ZNF280D: variants seen among roughly 807,000 people sequenced by gnomAD.
ZNF280D encodes the protein zinc finger protein 280D, also known as suppressor of hairy wing homolog 4.
In ZNF280D, 39 loss-of-function variants were observed where a neutral mutation model predicts 94.7. The observed-to-expected ratio is 0.41, with a 90% confidence interval of 0.32 to 0.54. The LOEUF is 0.54. Ranked by LOEUF, ZNF280D falls within the 20% of genes least tolerant of loss-of-function variation. ZNF280D has a pLI of 0.22. For missense variants in ZNF280D, 1,090 were observed against 1,149.3 expected (o/e 0.95, Z 0.75); for synonymous variants, 398 against 377.6 (o/e 1.05, Z -0.63).
rs533185528 is a variant in ZNF280D at position 56,681,967 on chromosome 15, C to A, written c.1004+287G>T. Among the ~76,000 whole-genome samples, 87 of 151,936 alleles carry A rather than the reference C, an allele frequency of 5.7e-4. 1 individual carries two copies. Among genetic ancestry groups the A allele is most frequent in the Admixed American group, 1.3e-3 (20 of 15,266 alleles). On this transcript the variant is annotated intron_variant, in intron 10 of 21. Transcript: ENST00000267807. ...AAATAAAAAATGTCTAATAAAAATT[C>A]AAAAATCACGACTAAAACAGAAAAA...
chr15:56,694,993 TATATTTTAGTATA>T (rs2056661446), intron 6 of ZNF280D, among the ~76,000 whole-genome samples: 1 of 152,164 alleles, frequency 6.6e-6, no homozygotes, highest in Non-Finnish European at 1.5e-5. Flanking sequence ...AAGTAGAGCT[TATATTTTAGTATA>T]ATTTTTCTGC....
At chr15:56,692,083 G>A (rs2056455365) in intron 7 of ZNF280D, among the ~76,000 whole-genome samples, 2 of 152,024 alleles carry the variant, frequency 1.3e-5, no homozygotes, top group South Asian at 2.1e-4. Context: ...TTCCCAAGAA[G>A]TTTCAAGAAT....
chr15:56,657,342 T>C (rs1380073319), intron 17 of ZNF280D, among the ~76,000 whole-genome samples: 2 of 152,166 alleles, frequency 1.3e-5, no homozygotes, highest in Non-Finnish European at 2.9e-5. Flanking sequence ...CATATACTGA[T>C]TTCAAGAATT....
intron 1 of ZNF280D, among the ~76,000 whole-genome samples, chr15:56,708,779 T>C (rs971188024): frequency 8.3e-4 from 126 of 152,282 alleles, no homozygotes; most frequent in Non-Finnish European, 1.3e-3. Context: ...ATTTAATAAA[T>C]GGTGCTGGGA....
intron 16 of ZNF280D, among the ~76,000 whole-genome samples, chr15:56,662,740 C>T (rs147088409): frequency 6.4e-4 from 95 of 149,080 alleles, no homozygotes; most frequent in South Asian, 2.6e-3. Context: ...AGGAGAATTG[C>T]GTGAACCTGG....
At chr15:56,732,219 G>C (rs1303242218) in intron 1 of ZNF280D, among the ~76,000 whole-genome samples, 1 of 152,134 alleles carries the variant, frequency 6.6e-6, no homozygotes, top group African/African-American at 2.4e-5. Flanking sequence ...TCCTCTCCCT[G>C]AGGCTCTGTT....
chr15:56,714,496 T>C (rs1596634908), intron 1 of ZNF280D, among the ~76,000 whole-genome samples: 1 of 152,286 alleles, frequency 6.6e-6, no homozygotes, highest in East Asian at 1.9e-4. Flanking sequence ...TTGAGAATCT[T>C]AACAGTGAAC....
intron 19 of ZNF280D, among the ~76,000 whole-genome samples, chr15:56,651,791 T>C (rs903423408): frequency 2.6e-5 from 4 of 152,058 alleles, no homozygotes; most frequent in African/African-American, 4.8e-5. Flanking sequence ...TTATTGTTTT[T>C]CCCCCCAAAT....
chr15:56,669,971 TATA>T lies in ZNF280D; in HGVS notation c.1411-1017_1411-1015del, dbSNP rs1442675771. The stretch of plus-strand genomic sequence containing the variant: ...ATATTATATATATATATTATATATA[TATA>T]ATATATATATTATATATATATATTA... On this transcript the variant is annotated intron_variant, in intron 13 of 21. Coordinates refer to ENST00000267807, the MANE Select transcript of ZNF280D (RefSeq NM_017661.4). 1.7e-3 allele frequency among the ~76,000 whole-genome samples: 4 copies of T among 2,390 alleles called. 1 individual carries two copies. Among genetic ancestry groups the T allele is most frequent in the African/African-American group, 7.6e-3 (4 of 526 alleles). 1.6% of individuals were successfully genotyped at this position (2,390 alleles called of 152,430 possible). A position where few individuals can be genotyped will look rare whatever the true frequency, so the allele number is the denominator to read the frequency against.
At chr15:56,637,991 C>A (rs1158640502) in intron 20 of ZNF280D, among the ~76,000 whole-genome samples, 1 of 152,060 alleles carries the variant, frequency 6.6e-6, no homozygotes, top group Non-Finnish European at 1.5e-5. Context: ...TTGTACTTAA[C>A]CACATTTTTT....
intron 21 of ZNF280D, 33 bp downstream of exon 21, chr15:56,635,162 A>G (rs750384141): frequency 7.3e-7 from 1 of 1,377,692 alleles, no homozygotes; most frequent in Non-Finnish European, 9.9e-7. Flanking sequence ...GTATACTTGA[A>G]TTTTATGAAA....
At chr15:56,694,288 GACACATACACACACAC>G (rs1196410343) in intron 6 of ZNF280D, among the ~76,000 whole-genome samples, 14 of 111,784 alleles carry the variant, frequency 1.3e-4, no homozygotes, top group Middle Eastern at 4.6e-3. Flanking sequence ...TAAATATAAT[GACACATACACACACAC>G]ACACACACAC....
At chr15:56,653,285 G>A (rs1462938046) in intron 19 of ZNF280D, 48 of 1,200,810 alleles carry the variant, frequency 4.0e-5, no homozygotes, top group Non-Finnish European at 4.6e-5. Context: ...GTGGTTTGAT[G>A]GGCTTTTCTT....
chr15:56,672,760 C>T (rs1184960931), intron 13 of ZNF280D, among the ~76,000 whole-genome samples: 1 of 151,986 alleles, frequency 6.6e-6, no homozygotes, highest in African/African-American at 2.4e-5. Flanking sequence ...TGGCATACAG[C>T]AAGCACTTCA....
At chr15:56,654,174 G>A (rs766436234) in intron 19 of ZNF280D, 24 bp downstream of exon 19, 27 of 1,600,418 alleles carry the variant, frequency 1.7e-5, no homozygotes, top group Admixed American at 8.8e-5. Context: ...AAAGTAAAAT[G>A]CACTGAATAA....
chr15:56,658,157 G>A (rs542784005), intron 17 of ZNF280D, among the ~76,000 whole-genome samples: 1 of 152,156 alleles, frequency 6.6e-6, no homozygotes, highest in Non-Finnish European at 1.5e-5. Context: ...TACACAGACA[G>A]AAAGTAGACT....
chr15:56,700,892 A>G (rs780870476), intron 6 of ZNF280D, 41 bp downstream of exon 6: 60 of 1,613,602 alleles, frequency 3.7e-5, no homozygotes, highest in South Asian at 7.7e-5. Flanking sequence ...ACAACATCCA[A>G]TGGATCCCTG....
intron 20 of ZNF280D, among the ~76,000 whole-genome samples, chr15:56,642,472 G>A (rs533002753): frequency 1.4e-4 from 21 of 151,622 alleles, no homozygotes; most frequent in Admixed American, 5.3e-4. Flanking sequence ...TAGACTGTCC[G>A]GTAAATAACA....
intron 1 of ZNF280D, among the ~76,000 whole-genome samples, chr15:56,728,034 A>AT (rs66766415): frequency 0.012 from 1,724 of 146,686 alleles, 38 homozygotes; most frequent in African/African-American, 0.039. Context: ...TACTTAATAC[A>AT]TTTTTTTTTT....
Sources: allele counts gnomAD v4.1 joint callset (sites outside exome capture counted in the v4.1 genomes callset), GRCh38; gene constraint gnomAD v4.1.1; transcripts MANE v1.5; gene names NCBI Gene and HGNC (gene_info 2026-07-23, HGNC 2026-07-21).